The following BCKDHB variants were observed in gnomAD, a reference collection of about 807,000 sequenced individuals.
BCKDHB encodes the protein 2-oxoisovalerate dehydrogenase subunit beta, mitochondrial.
BCKDHB carries 41 observed loss-of-function variants against 48.5 expected under a neutral mutation model. The observed-to-expected ratio is 0.85, with a 90% CI of 0.66 to 1.10. The LOEUF (loss-of-function observed/expected upper bound fraction) is 1.10. Among genes scored for constraint, BCKDHB ranks in the 50% least tolerant of loss-of-function variants. The pLI is 0.00. For synonymous variants in BCKDHB, 201 were observed against 174.8 expected, an observed-to-expected ratio of 1.15 and a Z score of -1.18; for missense variants, 496 against 494.2, an observed-to-expected ratio of 1.00 and a Z score of -0.03.
intron 8 of BCKDHB, among the ~76,000 whole-genome samples, chr6:80,226,915 C>T (rs191676349): frequency 1.3e-5 from 2 of 152,302 alleles, no homozygotes; most frequent in East Asian, 3.9e-4. Context: ...GGCTTTTCTA[C>T]TGGTTGCTGG....
chr6:80,433,337 C>T, the BCKDHB span, among the ~76,000 whole-genome samples: 1 of 152,184 alleles, frequency 6.6e-6, no homozygotes, highest in Non-Finnish European at 1.5e-5. Context: ...GGGGCTGCTG[C>T]CTTTTTTTCA....
chr6:80,227,938 A>G (rs915264133), intron 8 of BCKDHB, among the ~76,000 whole-genome samples: 7 of 152,206 alleles, frequency 4.6e-5, no homozygotes, highest in Admixed American at 1.3e-4. Context: ...TTGTGGGATG[A>G]AAGAGTGGTT....
intron 8 of BCKDHB, among the ~76,000 whole-genome samples, chr6:80,245,200 C>A (rs1249201960): frequency 2.6e-5 from 4 of 151,992 alleles, no homozygotes; most frequent in Admixed American, 2.6e-4. Context: ...CTGAAAGGTG[C>A]TTATACTGTC....
At chr6:80,347,188 A>G (rs768523770), downstream of BCKDHB, among the ~76,000 whole-genome samples, 5 of 152,228 alleles carry the variant, frequency 3.3e-5, no homozygotes, top group African/African-American at 1.2e-4. Flanking sequence ...CTGAATAGCT[A>G]TGATCTGAAA....
chr6:80,306,661 C>T lies in BCKDHB; in HGVS notation c.1038+33440C>T, dbSNP rs114704131. Reference sequence around the variant, plus strand: ...ATCAATAATTTCATTTCCTTAATGGCAAATGATACAGAAAATTATGGAAAC... The same window carrying T: ...ATCAATAATTTCATTTCCTTAATGGTAAATGATACAGAAAATTATGGAAAC... On this transcript the variant is annotated intron_variant, in intron 9 of 9. Transcript: ENST00000320393. 2.3e-3 allele frequency among the ~76,000 whole-genome samples: 349 copies of T among 152,280 alleles called. 1 individual carries two copies. The highest frequency in any genetic ancestry group is 7.7e-3 in the African/African-American group (322 of 41,568).
At chr6:80,217,454 A>G (rs1288840447) in intron 8 of BCKDHB, among the ~76,000 whole-genome samples, 1 of 152,050 alleles carries the variant, frequency 6.6e-6, no homozygotes, top group African/African-American at 2.4e-5. Context: ...ATCTTTTAAT[A>G]TTCTATATTT....
chr6:80,393,399 A>G, the BCKDHB span, among the ~76,000 whole-genome samples: 1 of 151,906 alleles, frequency 6.6e-6, no homozygotes, highest in Non-Finnish European at 1.5e-5. Flanking sequence ...AGGAGGGTAG[A>G]GGCCTGGGAA....
the BCKDHB span, among the ~76,000 whole-genome samples, chr6:80,394,383 ATTC>A: frequency 2.6e-5 from 4 of 151,734 alleles, no homozygotes; most frequent in East Asian, 7.7e-4. Context: ...ATAGAGTTCT[ATTC>A]TTGTTCTTTT....
intron 3 of BCKDHB, among the ~76,000 whole-genome samples, chr6:80,129,452 C>T (rs1770518650): frequency 6.6e-6 from 1 of 152,052 alleles, no homozygotes; most frequent in Non-Finnish European, 1.5e-5. Context: ...TAAATGATTC[C>T]AAAATAATTG....
the BCKDHB span, among the ~76,000 whole-genome samples, chr6:80,411,782 G>A: frequency 6.6e-6 from 1 of 152,260 alleles, no homozygotes; most frequent in Non-Finnish European, 1.5e-5. Flanking sequence ...AGGCACGGGA[G>A]GGAATCTCCT....
intron 9 of BCKDHB, among the ~76,000 whole-genome samples, chr6:80,312,072 A>G (rs1232257898): frequency 6.6e-6 from 1 of 152,166 alleles, no homozygotes; most frequent in East Asian, 1.9e-4. Flanking sequence ...AATGTTTTCC[A>G]TGTCTTTGTG....
At chr6:80,405,475 A>G in the BCKDHB span, among the ~76,000 whole-genome samples, 9 of 152,036 alleles carry the variant, frequency 5.9e-5, no homozygotes, top group Admixed American at 2.0e-4. Context: ...TCTTGTTTTT[A>G]TTCATTCGGT....
chr6:80,176,894 C>T (rs1043564326), intron 6 of BCKDHB, among the ~76,000 whole-genome samples: 1 of 152,012 alleles, frequency 6.6e-6, no homozygotes, highest in African/African-American at 2.4e-5. Context: ...GCTATAAACC[C>T]ATGTAGACTT....
At chr6:80,190,585 C>T (rs193090339) in intron 6 of BCKDHB, among the ~76,000 whole-genome samples, 3 of 152,190 alleles carry the variant, frequency 2.0e-5, no homozygotes, top group African/African-American at 4.8e-5. Flanking sequence ...GGTGCTTAAA[C>T]GTGCCTAATA....
At chr6:80,463,639 GT>G in the BCKDHB span, among the ~76,000 whole-genome samples, 9 of 151,754 alleles carry the variant, frequency 5.9e-5, no homozygotes, top group East Asian at 1.2e-3. Flanking sequence ...AGCCCTTGTT[GT>G]TTGTTTAAAG....
chr6:80,374,548 G>T, the BCKDHB span: 1 of 707,282 alleles, frequency 1.4e-6, no homozygotes, highest in East Asian at 2.6e-5. Flanking sequence ...GGGTTCTCCC[G>T]GTCAAGTGTA....
At chr6:80,414,774 T>G in the BCKDHB span, among the ~76,000 whole-genome samples, 1 of 152,176 alleles carries the variant, frequency 6.6e-6, no homozygotes, top group African/African-American at 2.4e-5. Context: ...AAAATAGCTT[T>G]TTCCTAGTTC....
At chr6:80,425,227 A>G in the BCKDHB span, among the ~76,000 whole-genome samples, 3 of 152,206 alleles carry the variant, frequency 2.0e-5, no homozygotes, top group African/African-American at 7.2e-5. Flanking sequence ...GGTTGTATGT[A>G]TACCACAGTT....
the BCKDHB span, among the ~76,000 whole-genome samples, chr6:80,415,935 G>T: frequency 6.6e-6 from 1 of 151,926 alleles, no homozygotes; most frequent in African/African-American, 2.4e-5. Flanking sequence ...AATTGTTATT[G>T]ACTCAATTTC....
Sources: allele counts gnomAD v4.1 joint callset (sites outside exome capture counted in the v4.1 genomes callset), GRCh38; gene constraint gnomAD v4.1.1; transcripts MANE v1.5; gene names NCBI Gene and HGNC (gene_info 2026-07-23, HGNC 2026-07-21).